The following FBXO47 variants were observed in gnomAD, a reference collection of about 807,000 sequenced individuals.
FBXO47 encodes F-box protein 47, also known as F-box only protein 47.
A neutral mutation model predicts 53.9 loss-of-function variants in FBXO47; 34 were observed. The observed-to-expected ratio is 0.63, with a 90% confidence interval of 0.48 to 0.84. The LOEUF (loss-of-function observed/expected upper bound fraction) is 0.84, where lower values mean the gene tolerates loss of function less well. Among genes scored for constraint, FBXO47 ranks in the 40% least tolerant of loss-of-function variants. The pLI, the probability that FBXO47 is intolerant of heterozygous loss-of-function variation, is 0.00. For synonymous variants in FBXO47, 165 were observed against 181.6 expected (o/e 0.91, Z 0.73); for missense variants, 485 against 541.3 (o/e 0.90, Z 1.03).
At position 38,964,728 on chromosome 17, in the gene FBXO47, A is replaced by G. The variant is rs1906006077; in HGVS notation, c.-26-1677T>C. Among the ~76,000 whole-genome samples the G allele has an allele frequency of 2.0e-5, 3 of 152,184 alleles. No homozygotes were observed. The South Asian group carries it at 6.2e-4, about 31-fold the overall frequency. On this transcript the variant is annotated intron_variant, in intron 1 of 10. Transcript: ENST00000378079. ...TAATAGTCACTGATGAATCTTAGAAAGGGCCTACGCATCTTGATTTCAAAG... is the reference window on the plus strand; with the variant it reads ...TAATAGTCACTGATGAATCTTAGAAGGGGCCTACGCATCTTGATTTCAAAG...
At chr17:38,946,370 ATATATATATAAATATATATATC>A (rs1904834787) in intron 6 of FBXO47, among the ~76,000 whole-genome samples, 1 of 88,772 alleles carries the variant, frequency 1.1e-5, no homozygotes, top group Admixed American at 1.8e-4. Context: ...AAATATATAG[ATATATATATAAATATATATATC>A]TATATATAAA....
intron 6 of FBXO47, among the ~76,000 whole-genome samples, chr17:38,947,099 TATATAAAC>T (rs1281178821): frequency 1.3e-4 from 12 of 92,994 alleles, no homozygotes; most frequent in South Asian, 4.8e-4. Flanking sequence ...TATAAACATA[TATATAAAC>T]ATATATATAT....
chr17:38,939,707 C>T (rs914464740), intron 9 of FBXO47, among the ~76,000 whole-genome samples: 11 of 128,038 alleles, frequency 8.6e-5, no homozygotes, highest in African/African-American at 3.0e-4. Flanking sequence ...GTCGCCCAGG[C>T]CGGACTGCGG....
chr17:38,937,971 C>A (rs1277065829), intron 10 of FBXO47, among the ~76,000 whole-genome samples: 4 of 152,094 alleles, frequency 2.6e-5, no homozygotes, highest in African/African-American at 7.2e-5. Context: ...CCCAGCCTTC[C>A]CTAGTAATAT....
chr17:38,939,652 C>CTT (rs970784178), intron 9 of FBXO47, among the ~76,000 whole-genome samples: 1,527 of 91,124 alleles, frequency 0.017, 205 homozygotes, highest in East Asian at 0.034. Context: ...TAAAAGGTTT[C>CTT]TTTTTTTTTT....
Position 38,947,014 on chromosome 17 carries a change from A to ATATATAAACG in FBXO47, c.617-1879_617-1878insCGTTTATATA, listed in dbSNP as rs1439430596. Among the ~76,000 whole-genome samples the ATATATAAACG allele has an allele frequency of 4.3e-3, 583 of 136,940 alleles. 2 individuals carry two copies. Among genetic ancestry groups the ATATATAAACG allele is most frequent in the African/African-American group, 0.016 (559 of 35,854 alleles). The allele number at this position is 136,940 out of a possible 152,430, so 89.8% of individuals were successfully genotyped here. A position where few individuals can be genotyped will look rare whatever the true frequency, so the allele number is the denominator to read the frequency against. On this transcript the variant is annotated intron_variant, in intron 6 of 10. Transcript: ENST00000378079. ...TAAACATATACAAATATATGTAAAT[A>ATATATAAACG]TATATAAACATATACAAATATATGT...
At chr17:38,964,217 T>C (rs1297069437) in intron 1 of FBXO47, among the ~76,000 whole-genome samples, 1 of 152,170 alleles carries the variant, frequency 6.6e-6, no homozygotes, top group Non-Finnish European at 1.5e-5. Context: ...CTCAGCACTT[T>C]GGGAGGCGGA....
rs933341284 is a variant in FBXO47 at position 38,957,047 on chromosome 17, T to C, written c.429+130A>G. 25 of 580,474 alleles carry C rather than the reference T, an allele frequency of 4.3e-5. No individual in the cohort carries two copies. The African/African-American group carries it at 4.6e-4, about 11-fold the overall frequency. 36.0% of individuals were successfully genotyped at this position (580,474 alleles called of 1,614,324 possible). On this transcript the variant is annotated intron_variant, in intron 4 of 10. Transcript: ENST00000378079. ...CGAAGTACTTGGTAAAGTATTAGATTATAATAAATCAATTTTTTAGTGCTA... is the reference window on the plus strand; with the variant it reads ...CGAAGTACTTGGTAAAGTATTAGATCATAATAAATCAATTTTTTAGTGCTA...
intron 5 of FBXO47, among the ~76,000 whole-genome samples, chr17:38,953,918 G>C (rs1304647326): frequency 6.6e-6 from 1 of 152,206 alleles, no homozygotes; most frequent in Non-Finnish European, 1.5e-5. Context: ...GTGAGTAGGA[G>C]TTGGTGGCTG....
chr17:38,949,473 C>A (rs1317669134), intron 6 of FBXO47, among the ~76,000 whole-genome samples: 2 of 151,686 alleles, frequency 1.3e-5, no homozygotes, highest in Admixed American at 6.6e-5. Context: ...ACAACAACAA[C>A]AAAACCATTC....
At chr17:38,961,388 C>T (rs1035491064) in intron 3 of FBXO47, among the ~76,000 whole-genome samples, 2 of 152,164 alleles carry the variant, frequency 1.3e-5, no homozygotes, top group African/African-American at 2.4e-5. Flanking sequence ...AAAGATTATA[C>T]AGAATTTGCT....
chr17:38,940,683 T>C lies in FBXO47; in HGVS notation c.1084-1951A>G, dbSNP rs78321968. 4.6e-3 allele frequency among the ~76,000 whole-genome samples: 701 copies of C among 152,044 alleles called. 33 individuals are homozygous for C. The East Asian group carries it at 0.096, about 21-fold the overall frequency. ...GAACTCCTACTTATTCATTTACTTA[T>C]TTATTTTTTAGAGACAGGGTCTCCC... On this transcript the variant is annotated intron_variant, in intron 9 of 10. Transcript: ENST00000378079.
rs371565533 is a variant in FBXO47 at position 38,966,226 on chromosome 17, G to C, written c.-27+1003C>G. Among the ~76,000 whole-genome samples, 7 of 152,134 alleles carry C rather than the reference G, an allele frequency of 4.6e-5. No homozygotes were observed. The East Asian group carries it at 1.2e-3, about 25-fold the overall frequency. ...GCGTTTTGTTTGTTTGTTTGCGATG[G>C]AGTTTCGCACAGTCTCCTGGGCTGG... is the stretch of plus-strand genomic sequence containing the variant. On this transcript the variant is annotated intron_variant, in intron 1 of 10. Coordinates refer to ENST00000378079, the MANE Select transcript of FBXO47 (RefSeq NM_001008777.3).
At chr17:38,959,900 A>C (rs563432109) in intron 3 of FBXO47, among the ~76,000 whole-genome samples, 14 of 152,158 alleles carry the variant, frequency 9.2e-5, no homozygotes, top group Middle Eastern at 3.4e-3. Flanking sequence ...AAAATAAGAT[A>C]TATGGTAGGA....
At position 38,936,534 on chromosome 17, in the gene FBXO47, T is replaced by G. The variant is rs1416232247; in HGVS notation, c.*641A>C. On this transcript the variant is annotated 3_prime_UTR_variant, in exon 11 of 11. Coordinates refer to ENST00000378079, the MANE Select transcript of FBXO47 (RefSeq NM_001008777.3). The stretch of plus-strand genomic sequence containing the variant: ...TTGAGACAATATATACCTTCCTGTA[T>G]GTATAGACCTTTTGTATGATTACCT... 1 of 152,206 alleles carries G rather than the reference T, an allele frequency of 6.6e-6. No individual in the cohort carries two copies. Among genetic ancestry groups the G allele is most frequent in the Non-Finnish European group, 1.5e-5 (1 of 68,044 alleles). The allele number at this position is 152,206 out of a possible 1,614,324, so 9.4% of individuals were successfully genotyped here.
intron 5 of FBXO47, 30 bp from the exon 6 acceptor site, chr17:38,951,719 AT>A (rs1905299263): frequency 6.7e-7 from 1 of 1,503,418 alleles, no homozygotes; most frequent in African/African-American, 1.4e-5. Flanking sequence ...CATTGTGGAT[AT>A]TCAGACTATC....
chr17:38,954,008 TG>T (rs1905432743), intron 5 of FBXO47, among the ~76,000 whole-genome samples: 3 of 151,994 alleles, frequency 2.0e-5, no homozygotes, highest in Admixed American at 2.0e-4. Context: ...AGTTAATACA[TG>T]TTGTCGGGTG....
intron 3 of FBXO47, among the ~76,000 whole-genome samples, chr17:38,960,605 C>T (rs947921130): frequency 1.0e-4 from 15 of 150,332 alleles, no homozygotes; most frequent in African/African-American, 2.9e-4. Flanking sequence ...CTACAACTAA[C>T]GATGAATTAA....
intron 1 of FBXO47, among the ~76,000 whole-genome samples, chr17:38,965,555 G>A (rs1906061050): frequency 6.6e-6 from 1 of 151,728 alleles, no homozygotes; most frequent in East Asian, 1.9e-4. Flanking sequence ...ACTTAAATTA[G>A]GAGGTATTTT....
Sources: allele counts gnomAD v4.1 joint callset (sites outside exome capture counted in the v4.1 genomes callset), GRCh38; gene constraint gnomAD v4.1.1; transcripts MANE v1.5; gene names NCBI Gene and HGNC (gene_info 2026-07-23, HGNC 2026-07-21).